The following RARB variants were observed in gnomAD, a reference collection of about 807,000 sequenced individuals.
The protein encoded by RARB is HBV-activated protein.
In RARB, 17 loss-of-function variants were observed where a neutral mutation model predicts 51.9. The observed-to-expected ratio is 0.33, with a 90% CI of 0.22 to 0.49. The LOEUF is 0.49. RARB is among the 20% of genes least tolerant of loss of function. RARB has a pLI of 0.99. For synonymous variants in RARB, 215 were observed against 195.4 expected, an observed-to-expected ratio of 1.10 and a Z score of -0.84; for missense variants, 369 against 550.8, an observed-to-expected ratio of 0.67 and a Z score of 3.30.
intron 1 of RARB, among the ~76,000 whole-genome samples, chr3:25,447,764 A>T (rs571567919): frequency 6.6e-6 from 1 of 152,234 alleles, no homozygotes; most frequent in African/African-American, 2.4e-5. Context: ...GAAGGAAAGG[A>T]CAGCTGAGAG....
intron 2 of RARB, among the ~76,000 whole-genome samples, chr3:24,865,051 G>T (rs555667418): frequency 1.4e-4 from 22 of 152,196 alleles, no homozygotes; most frequent in African/African-American, 4.8e-4. Context: ...CTGCCAAAAG[G>T]TTTTTCCAGA....
At chr3:24,891,653 AGT>A (rs1703379413) in intron 2 of RARB, among the ~76,000 whole-genome samples, 1 of 152,108 alleles carries the variant, frequency 6.6e-6, no homozygotes, top group Non-Finnish European at 1.5e-5. Context: ...GATAGTGTGG[AGT>A]GTGTGGGGGG....
intron 2 of RARB, among the ~76,000 whole-genome samples, chr3:25,476,084 A>G (rs1213492601): frequency 6.6e-6 from 1 of 152,164 alleles, no homozygotes; most frequent in Non-Finnish European, 1.5e-5. Flanking sequence ...AGAATTGCCC[A>G]CTTGCACTGG....
chr3:25,423,830 CCAGCAGTGACAGT>C (rs1342024895), upstream of RARB, among the ~76,000 whole-genome samples: 1 of 152,214 alleles, frequency 6.6e-6, no homozygotes, highest in East Asian at 1.9e-4. Context: ...GACAATGCCA[CCAGCAGTGACAGT>C]CAGCTAAGAG....
intron 4 of RARB, among the ~76,000 whole-genome samples, chr3:25,152,395 C>G (rs1014919654): frequency 3.3e-5 from 5 of 152,124 alleles, no homozygotes; most frequent in African/African-American, 1.2e-4. Context: ...ACTTTCTGTT[C>G]TTCTTGGGTC....
chr3:25,152,608 A>G (rs1040117385), intron 4 of RARB, among the ~76,000 whole-genome samples: 5 of 152,198 alleles, frequency 3.3e-5, no homozygotes, highest in Non-Finnish European at 7.3e-5. Flanking sequence ...TACACATTTA[A>G]TTATAAAATT....
intron 5 of RARB, among the ~76,000 whole-genome samples, chr3:25,318,080 C>T (rs940668544): frequency 3.9e-5 from 6 of 152,214 alleles, no homozygotes; most frequent in African/African-American, 1.4e-4. Flanking sequence ...AAAATTTGTC[C>T]GTCTCACTGA....
chr3:25,201,956 A>C (rs1701402820), intron 5 of RARB, among the ~76,000 whole-genome samples: 1 of 152,170 alleles, frequency 6.6e-6, no homozygotes, highest in African/African-American at 2.4e-5. Flanking sequence ...TCGTAAAATG[A>C]GTTAGGGAGG....
At chr3:25,478,561 A>T (rs568097483) in intron 2 of RARB, among the ~76,000 whole-genome samples, 33 of 152,284 alleles carry the variant, frequency 2.2e-4, no homozygotes, top group African/African-American at 7.0e-4. Flanking sequence ...CACTCAGTTA[A>T]ATGGCGGATG....
At chr3:25,561,462 A>G (rs1043498173) in intron 3 of RARB, among the ~76,000 whole-genome samples, 1 of 152,076 alleles carries the variant, frequency 6.6e-6, no homozygotes, top group Admixed American at 6.6e-5. Flanking sequence ...TCACAGCACC[A>G]TGGATCAGTC....
intron 2 of RARB, among the ~76,000 whole-genome samples, chr3:25,485,497 A>G (rs1191108956): frequency 6.6e-6 from 1 of 152,198 alleles, no homozygotes; most frequent in Non-Finnish European, 1.5e-5. Context: ...AACAGCAAAT[A>G]AATGCAATAA....
intron 2 of RARB, among the ~76,000 whole-genome samples, chr3:24,973,643 A>C (rs1696448756): frequency 6.6e-6 from 1 of 151,974 alleles, no homozygotes; most frequent in Non-Finnish European, 1.5e-5. Flanking sequence ...AGTGTTTTAT[A>C]GTTTTCCTTA....
chr3:25,086,034 C>T (rs1041693755), intron 3 of RARB, among the ~76,000 whole-genome samples: 1 of 152,150 alleles, frequency 6.6e-6, no homozygotes, highest in Admixed American at 6.6e-5. Flanking sequence ...TTGCCATTCT[C>T]TATATCCCTG....
At chr3:25,297,085 CTTATAAGAG>C (rs1703932317) in intron 5 of RARB, among the ~76,000 whole-genome samples, 2 of 152,038 alleles carry the variant, frequency 1.3e-5, no homozygotes, top group Non-Finnish European at 2.9e-5. Context: ...CCTGTGTAGA[CTTATAAGAG>C]TTCCATGTAT....
chr3:24,859,259 G>A (rs1489552746), intron 2 of RARB, among the ~76,000 whole-genome samples: 2 of 151,990 alleles, frequency 1.3e-5, no homozygotes, highest in Non-Finnish European at 2.9e-5. Context: ...AAACAAGGTG[G>A]TTCTGGGAGC....
At chr3:24,916,789 T>G (rs1239418249) in intron 2 of RARB, among the ~76,000 whole-genome samples, 1 of 127,302 alleles carries the variant, frequency 7.9e-6, no homozygotes, top group Admixed American at 7.5e-5. Flanking sequence ...AAAAAAAACC[T>G]TGTACAAGAA....
chr3:24,861,933 G>T (rs28514537), intron 2 of RARB, among the ~76,000 whole-genome samples: 1 of 152,308 alleles, frequency 6.6e-6, no homozygotes, highest in Non-Finnish European at 1.5e-5. Flanking sequence ...CATGGACAAG[G>T]TATGTATAAT....
At chr3:24,925,262 C>A (rs1432140507) in intron 2 of RARB, among the ~76,000 whole-genome samples, 1 of 152,016 alleles carries the variant, frequency 6.6e-6, no homozygotes, top group Non-Finnish European at 1.5e-5. Context: ...TTATCACATA[C>A]AAATCCAGAA....
chr3:25,120,905 CAG>C (rs1468511516), intron 3 of RARB, among the ~76,000 whole-genome samples: 2 of 152,152 alleles, frequency 1.3e-5, no homozygotes, highest in African/African-American at 4.8e-5. Flanking sequence ...TTTCCCATGG[CAG>C]AGTCAGAACT....
Sources: gnomAD v4.1 joint callset for allele counts (sites outside exome capture counted in the v4.1 genomes callset) on GRCh38, gnomAD v4.1.1 for gene constraint, MANE v1.5 for transcripts, NCBI Gene and HGNC (gene_info 2026-07-23, HGNC 2026-07-21) for gene names.